The following GALNT17 variants were observed in gnomAD, a reference collection of about 807,000 sequenced individuals.
GALNT17 encodes the protein polypeptide N-acetylgalactosaminyltransferase 17.
Under a neutral mutation model 63.7 loss-of-function variants are expected in GALNT17, and 29 were observed. That is an observed-to-expected ratio of 0.46 (90% CI 0.34 to 0.62). GALNT17 has a LOEUF of 0.62. Among genes scored for constraint, GALNT17 ranks in the 20% least tolerant of loss-of-function variants. GALNT17 has a pLI of 0.01. For synonymous variants in GALNT17, 305 were observed against 318.3 expected (o/e 0.96, Z 0.45); for missense variants, 603 against 799.6 (o/e 0.75, Z 2.97).
chr7:71,502,022 T>G (rs918569955), intron 5 of GALNT17, among the ~76,000 whole-genome samples: 2 of 152,238 alleles, frequency 1.3e-5, no homozygotes, highest in East Asian at 1.9e-4. Context: ...TTGCACTGTT[T>G]ATGGATAATC....
intron 1 of GALNT17, among the ~76,000 whole-genome samples, chr7:71,176,154 C>T (rs4398791): frequency 0.26 from 39,830 of 151,432 alleles, 9,741 homozygotes; most frequent in African/African-American, 0.66. Flanking sequence ...ATTATGAGGG[C>T]GAGTGGGGAG....
intron 1 of GALNT17, among the ~76,000 whole-genome samples, chr7:71,133,963 A>G (rs1193440333): frequency 6.6e-6 from 1 of 152,228 alleles, no homozygotes; most frequent in East Asian, 1.9e-4. Context: ...CGAACTGCAG[A>G]TAATCACGAA....
chr7:71,504,294 C>T lies in GALNT17; in HGVS notation c.963-66991C>T, dbSNP rs376530166. On this transcript the variant is annotated intron_variant, in intron 5 of 10. Coordinates refer to ENST00000333538, the MANE Select transcript of GALNT17 (RefSeq NM_022479.3). ...TGTAATCCCAGCTACTCTCGGGAGG[C>T]TGAGGCAGGAGAATTGCTTGAACCT... 7.3e-5 allele frequency among the ~76,000 whole-genome samples: 11 copies of T among 151,504 alleles called. No homozygotes were observed. The East Asian group carries it at 9.7e-4, about 13-fold the overall frequency.
At position 71,496,822 on chromosome 7, in the gene GALNT17, C is replaced by G. The variant is rs537879045; in HGVS notation, c.963-74463C>G. On this transcript the variant is annotated intron_variant, in intron 5 of 10. Transcript: ENST00000333538. ...GGGCGGAGCACTTACACCTGTAATC[C>G]TAGCACTTTGGGCGGCCAAGGCAGG... 3.9e-5 allele frequency among the ~76,000 whole-genome samples: 6 copies of G among 152,226 alleles called. No homozygotes were observed. In the East Asian group the frequency reaches 1.2e-3, roughly 29 times the overall value.
At chr7:71,310,323 A>G (rs1791393693) in intron 1 of GALNT17, among the ~76,000 whole-genome samples, 1 of 152,168 alleles carries the variant, frequency 6.6e-6, no homozygotes, top group African/African-American at 2.4e-5. Context: ...CTTTGTCACA[A>G]AGGATTCCCT....
rs1326184907 is a variant in GALNT17, at chr7:71,693,261, C to CAT, written c.1500+15957_1500+15958dup. Among the ~76,000 whole-genome samples the CAT allele has an allele frequency of 7.4e-4, 63 of 84,896 alleles. 2 individuals are homozygous for CAT. Among genetic ancestry groups the CAT allele is most frequent in the African/African-American group, 2.2e-3 (62 of 28,278 alleles). 55.7% of individuals were successfully genotyped at this position (84,896 alleles called of 152,430 possible). A position where few individuals can be genotyped will look rare whatever the true frequency, so the allele number is the denominator to read the frequency against. On this transcript the variant is annotated intron_variant, in intron 9 of 10. Transcript: ENST00000333538. ...ATACACATATATATACACACACACA[C>CAT]ATACACACACACACACACACACACA...
chr7:71,266,567 C>T (rs932790539), intron 1 of GALNT17, among the ~76,000 whole-genome samples: 21 of 152,112 alleles, frequency 1.4e-4, no homozygotes, highest in Admixed American at 9.8e-4. Context: ...CCTTTTTCTT[C>T]GTAAATTACC....
intron 1 of GALNT17, among the ~76,000 whole-genome samples, chr7:71,318,267 C>G (rs1791535640): frequency 6.6e-6 from 1 of 152,130 alleles, no homozygotes; most frequent in Non-Finnish European, 1.5e-5. Context: ...CACAGGGAAT[C>G]ACAGAACTTA....
intron 1 of GALNT17, among the ~76,000 whole-genome samples, chr7:71,333,264 G>A (rs887830718): frequency 2.6e-5 from 4 of 151,748 alleles, no homozygotes; most frequent in East Asian, 1.9e-4. Context: ...ATGGTCTTCC[G>A]TGACTAGCTT....
intron 5 of GALNT17, among the ~76,000 whole-genome samples, chr7:71,499,915 C>A (rs559358642): frequency 4.3e-4 from 66 of 152,332 alleles, no homozygotes; most frequent in African/African-American, 1.3e-3. Context: ...AGTGAGTTAT[C>A]ACGAAATCTG....
At chr7:71,547,122 G>A (rs1788998633) in intron 5 of GALNT17, among the ~76,000 whole-genome samples, 1 of 150,456 alleles carries the variant, frequency 6.6e-6, no homozygotes, top group African/African-American at 2.5e-5. Flanking sequence ...CTCCTGAGTA[G>A]CTGGAATTAC....
chr7:71,597,287 C>T (rs1562705001), intron 6 of GALNT17, among the ~76,000 whole-genome samples: 1 of 152,154 alleles, frequency 6.6e-6, no homozygotes, highest in East Asian at 1.9e-4. Context: ...GATCCACCTG[C>T]CTCAGCCTAC....
At position 71,569,738 on chromosome 7, in the gene GALNT17, A is replaced by G. The variant is rs371069409; in HGVS notation, c.963-1547A>G. Among the ~76,000 whole-genome samples, 17 of 150,976 alleles carry G rather than the reference A, an allele frequency of 1.1e-4. No homozygotes were observed. The East Asian group carries it at 1.9e-3, about 17-fold the overall frequency. ...CCTTTTTATGGCTGCATAGTATTCC[A>G]TGGTGTATATGCACCACATTTTTTT... On this transcript the variant is annotated intron_variant, in intron 5 of 10. Coordinates refer to ENST00000333538, the MANE Select transcript of GALNT17 (RefSeq NM_022479.3).
At chr7:71,154,520 T>C (rs931297516) in intron 1 of GALNT17, among the ~76,000 whole-genome samples, 1 of 152,210 alleles carries the variant, frequency 6.6e-6, no homozygotes, top group African/African-American at 2.4e-5. Context: ...TAAGCTGTTT[T>C]TGATGATGAT....
chr7:71,405,893 C>T (rs565858076), intron 3 of GALNT17, among the ~76,000 whole-genome samples: 16 of 152,318 alleles, frequency 1.1e-4, no homozygotes, highest in East Asian at 5.8e-4. Flanking sequence ...ACATAGCACA[C>T]GCTCTGTGCT....
intron 3 of GALNT17, among the ~76,000 whole-genome samples, chr7:71,395,229 G>C (rs1284585307): frequency 6.6e-6 from 1 of 152,168 alleles, no homozygotes; most frequent in Non-Finnish European, 1.5e-5. Flanking sequence ...CCTGGGAGTA[G>C]CCTCTCCCAA....
intron 5 of GALNT17, among the ~76,000 whole-genome samples, chr7:71,425,720 C>T (rs956231521): frequency 2.0e-5 from 3 of 152,162 alleles, no homozygotes; most frequent in African/African-American, 7.2e-5. Flanking sequence ...CCCAGGATAG[C>T]TTTCATTTAT....
intron 6 of GALNT17, among the ~76,000 whole-genome samples, chr7:71,587,854 T>C (rs1343335057): frequency 1.3e-5 from 2 of 152,236 alleles, no homozygotes; most frequent in Non-Finnish European, 2.9e-5. Context: ...AGGAATCTTA[T>C]GCAGATTATG....
At chr7:71,180,494 T>C (rs1788716482) in intron 1 of GALNT17, among the ~76,000 whole-genome samples, 2 of 152,168 alleles carry the variant, frequency 1.3e-5, no homozygotes, top group Non-Finnish European at 1.5e-5. Flanking sequence ...CTCCTTCACG[T>C]TGACCTCCTG....
Sources: allele counts gnomAD v4.1 joint callset (sites outside exome capture counted in the v4.1 genomes callset), GRCh38; gene constraint gnomAD v4.1.1; transcripts MANE v1.5; gene names NCBI Gene and HGNC (gene_info 2026-07-23, HGNC 2026-07-21).